The following PITPNM3 variants were observed in gnomAD, a reference collection of about 807,000 sequenced individuals.
The protein encoded by PITPNM3 is membrane-associated phosphatidylinositol transfer protein 3.
Under a neutral mutation model 102.0 loss-of-function variants are expected in PITPNM3, and 26 were observed. The observed-to-expected ratio is 0.25, with a 90% CI of 0.19 to 0.35. The LOEUF (loss-of-function observed/expected upper bound fraction) is 0.35. Ranked by LOEUF, PITPNM3 falls within the 10% of genes least tolerant of loss-of-function variation. PITPNM3 has a pLI of 1.00. For synonymous variants in PITPNM3, 578 were observed against 558.6 expected, an observed-to-expected ratio of 1.03 and a Z score of -0.49; for missense variants, 1,083 against 1,346.1, an observed-to-expected ratio of 0.80 and a Z score of 3.06.
At chr17:6,535,749 T>C in intron 2 of PITPNM3, among the ~76,000 whole-genome samples, 1 of 150,516 alleles carries the variant, frequency 6.6e-6, no homozygotes, top group Admixed American at 6.6e-5. Flanking sequence ...TGAAACCCTG[T>C]CTCTACTAAA....
Position 6,478,167 on chromosome 17 carries a change from C to A in PITPNM3, c.778-70G>T. The stretch of plus-strand genomic sequence containing the variant: ...CCCTCACCCCCACACCCGGCCAGAG[C>A]AGTGCTGCCTCCCCACAGGAGAATG... On this transcript the variant is annotated intron_variant, in intron 7 of 19. Coordinates refer to ENST00000262483, the MANE Select transcript of PITPNM3 (RefSeq NM_031220.4). The surrounding 1 kb of genome is among the most constrained non-coding windows in gnomAD (Gnocchi z 4.4). 1 of 1,602,616 alleles carries A rather than the reference C, an allele frequency of 6.2e-7. No homozygotes were observed. Among genetic ancestry groups the A allele is most frequent in the Non-Finnish European group, 8.5e-7 (1 of 1,177,486 alleles).
At chr17:6,475,123 T>C (rs917336923) in intron 9 of PITPNM3, among the ~76,000 whole-genome samples, 4 of 152,216 alleles carry the variant, frequency 2.6e-5, no homozygotes, top group Non-Finnish European at 5.9e-5. Context: ...ACGTCAGTTC[T>C]GTTCTGCTGG....
At chr17:6,503,626 A>T in intron 3 of PITPNM3, 52 bp from the exon 4 acceptor site, 1 of 1,586,886 alleles carries the variant, frequency 6.3e-7, no homozygotes, top group Non-Finnish European at 8.6e-7. Context: ...GTTGCCAGGC[A>T]CTGTGTTTCC....
rs9913373 is a variant in PITPNM3, at chr17:6,470,241, G to A, written c.1773+19C>T. 0.033 allele frequency: 51,837 copies of A among 1,586,876 alleles called. 1,656 individuals are homozygous for A. Among genetic ancestry groups the A allele is most frequent in the South Asian group, 0.11 (9,805 of 87,966 alleles). On this transcript the variant is annotated intron_variant, in intron 13 of 19. Transcript: ENST00000262483. The surrounding 1 kb of genome is among the most constrained non-coding windows in gnomAD (Gnocchi z 4.8). ...CCTTGGGGTGGCTGTGGGCAGGCCC[G>A]CGACTGCGGCAGCAGTACCTGTCTC...
chr17:6,521,109 T>C (rs1200692887), intron 3 of PITPNM3: 2 of 152,226 alleles, frequency 1.3e-5, no homozygotes, highest in Non-Finnish European at 2.9e-5. Context: ...CTGACCTGTA[T>C]ACTTAAGAAC....
chr17:6,476,654 A>G (rs1312186105), intron 9 of PITPNM3, among the ~76,000 whole-genome samples: 2 of 152,200 alleles, frequency 1.3e-5, no homozygotes, highest in African/African-American at 4.8e-5. Context: ...AACAACACAC[A>G]CCTCGGGTGA....
At chr17:6,508,490 C>T (rs577295293) in intron 3 of PITPNM3, among the ~76,000 whole-genome samples, 28 of 152,278 alleles carry the variant, frequency 1.8e-4, no homozygotes, top group African/African-American at 6.5e-4. Context: ...CGGGGGCTTC[C>T]TAGAGCAGTG....
chr17:6,524,038 A>C (rs1908686050), intron 3 of PITPNM3, among the ~76,000 whole-genome samples: 2 of 152,252 alleles, frequency 1.3e-5, no homozygotes, highest in Non-Finnish European at 2.9e-5. Context: ...TTTGTTGGTT[A>C]GATGGGATGA....
At chr17:6,542,273 G>A (rs1909770819) in intron 1 of PITPNM3, among the ~76,000 whole-genome samples, 1 of 152,206 alleles carries the variant, frequency 6.6e-6, no homozygotes, top group South Asian at 2.1e-4. Flanking sequence ...CTAAATGGAT[G>A]TCTACATTCC....
intron 1 of PITPNM3, among the ~76,000 whole-genome samples, chr17:6,552,026 C>A (rs184333333): frequency 6.6e-6 from 1 of 152,188 alleles, no homozygotes; most frequent in South Asian, 2.1e-4. Context: ...CCATTGTTAA[C>A]GAGGACTTGG....
chr17:6,458,168 G>A lies in PITPNM3; in HGVS notation c.2491-446C>T, dbSNP rs907101554. 3.3e-5 allele frequency among the ~76,000 whole-genome samples: 5 copies of A among 151,658 alleles called. No individual in the cohort carries two copies. The highest frequency in any genetic ancestry group is 1.2e-4 in the African/African-American group (5 of 41,196). ...CCTCTCACTGGCTGGTGTGATGACCGCCCCCCTCCCCAACCCCAGAATCCC... is the reference window on the plus strand; with the variant it reads ...CCTCTCACTGGCTGGTGTGATGACCACCCCCCTCCCCAACCCCAGAATCCC... On this transcript the variant is annotated intron_variant, in intron 18 of 19. Transcript: ENST00000262483. The surrounding 1 kb of genome is among the most constrained non-coding windows in gnomAD (Gnocchi z 5.1).
At chr17:6,480,520 T>A (rs1165880606) in intron 6 of PITPNM3, 1 of 152,310 alleles carries the variant, frequency 6.6e-6, no homozygotes, top group Admixed American at 6.5e-5. Context: ...CCTGGCACCC[T>A]GCTGGGGACC....
At chr17:6,460,954 T>G (rs1211144780) in intron 18 of PITPNM3, 4 of 296,406 alleles carry the variant, frequency 1.3e-5, no homozygotes, top group Admixed American at 9.5e-5. Flanking sequence ...ATAGCTTCGG[T>G]CATGGAAAGC....
At chr17:6,539,323 G>A (rs1909617136) in intron 1 of PITPNM3, among the ~76,000 whole-genome samples, 1 of 152,078 alleles carries the variant, frequency 6.6e-6, no homozygotes, top group African/African-American at 2.4e-5. Context: ...GATATGGGAC[G>A]ATTTTCCAAA....
Position 6,509,317 on chromosome 17 carries a change from G to A in PITPNM3, c.227-5743C>T, listed in dbSNP as rs537764142. On this transcript the variant is annotated intron_variant, in intron 3 of 19. Coordinates refer to ENST00000262483, the MANE Select transcript of PITPNM3 (RefSeq NM_031220.4). ...GAAGCAAAGTGTGTGGCCAAGAACAGCAAAGTGTGTGGCAAACTTCTGAAA... is the reference window on the plus strand; with the variant it reads ...GAAGCAAAGTGTGTGGCCAAGAACAACAAAGTGTGTGGCAAACTTCTGAAA... Among the ~76,000 whole-genome samples, 20 of 152,342 alleles carry A rather than the reference G, an allele frequency of 1.3e-4. 1 individual carries two copies. The highest frequency in any genetic ancestry group is 4.8e-4 in the African/African-American group (20 of 41,572).
At position 6,459,853 on chromosome 17, in the gene PITPNM3, C is replaced by T; in HGVS notation, c.2490+1520G>A. Among the ~76,000 whole-genome samples, 1 of 152,092 alleles carries T rather than the reference C, an allele frequency of 6.6e-6. No individual in the cohort carries two copies. Among genetic ancestry groups the T allele is most frequent in the South Asian group, 2.1e-4 (1 of 4,818 alleles). On this transcript the variant is annotated intron_variant, in intron 18 of 19. Coordinates refer to ENST00000262483, the MANE Select transcript of PITPNM3 (RefSeq NM_031220.4). The surrounding 1 kb of genome is among the most constrained non-coding windows in gnomAD (Gnocchi z 5.0). The stretch of plus-strand genomic sequence containing the variant: ...CCATCCCTGAGCCCCGACTATTCCA[C>T]CTCCTAATCCTGTCCATGTTTTTCT...
intron 17 of PITPNM3, among the ~76,000 whole-genome samples, chr17:6,462,194 T>C (rs1464918796): frequency 2.6e-5 from 4 of 152,186 alleles, no homozygotes; most frequent in African/African-American, 9.7e-5. Context: ...CAAACATGCA[T>C]AGCAAGGTGG....
intron 2 of PITPNM3, among the ~76,000 whole-genome samples, chr17:6,531,787 C>T (rs1160076181): frequency 1.3e-5 from 2 of 152,228 alleles, no homozygotes; most frequent in African/African-American, 4.8e-5. Flanking sequence ...ACTCTGGCCA[C>T]ACCAGCCTTC....
chr17:6,483,483 C>G (rs758621573), intron 6 of PITPNM3, 34 bp downstream of exon 6: 1 of 1,589,346 alleles, frequency 6.3e-7, no homozygotes, highest in Non-Finnish European at 8.6e-7. Context: ...CCCCACCAAC[C>G]CCAACCAGTT....
Sources: gnomAD v4.1 joint callset for allele counts (sites outside exome capture counted in the v4.1 genomes callset) on GRCh38, gnomAD v4.1.1 for gene constraint, Gnocchi (gnomAD v3.1) non-coding constraint, MANE v1.5 for transcripts, NCBI Gene and HGNC (gene_info 2026-07-23, HGNC 2026-07-21) for gene names.